The following PXDC1 variants were observed in gnomAD, a reference collection of about 807,000 sequenced individuals.
PXDC1 encodes the protein PX domain-containing protein 1.
A neutral mutation model predicts 24.4 loss-of-function variants in PXDC1; 13 were observed. That is an observed-to-expected ratio of 0.53 (90% confidence interval 0.35 to 0.85). The LOEUF (loss-of-function observed/expected upper bound fraction) is 0.85. PXDC1 is among the 40% of genes least tolerant of loss of function. The pLI is 0.01. For missense variants in PXDC1, 344 were observed against 309.3 expected (o/e 1.11, Z -0.84); for synonymous variants, 162 against 124.9 (o/e 1.30, Z -1.98).
chr6:3,730,634 A>T (rs1456715166), intron 3 of PXDC1, among the ~76,000 whole-genome samples: 1 of 152,232 alleles, frequency 6.6e-6, no homozygotes, highest in Non-Finnish European at 1.5e-5. Context: ...AACCACGGAC[A>T]GCAGATATTT....
chr6:3,743,182 T>G (rs1351103184), intron 1 of PXDC1, among the ~76,000 whole-genome samples: 3 of 150,492 alleles, frequency 2.0e-5, no homozygotes, highest in African/African-American at 7.4e-5. Flanking sequence ...GAGGGCTTCC[T>G]GCTGCTGCAA....
chr6:3,740,220 CAT>C (rs1760422711), intron 1 of PXDC1, among the ~76,000 whole-genome samples: 1 of 152,186 alleles, frequency 6.6e-6, no homozygotes, highest in Non-Finnish European at 1.5e-5. Context: ...GCTTTGCTGA[CAT>C]ATCTTTGGCT....
chr6:3,751,566 C>T lies in PXDC1; in HGVS notation c.-35G>A, dbSNP rs1305182324. 2.7e-6 allele frequency: 4 copies of T among 1,478,168 alleles called. No individual in the cohort carries two copies. The highest frequency in any genetic ancestry group is 2.9e-5 in the African/African-American group (2 of 68,366). The allele number at this position is 1,478,168 out of a possible 1,614,324, so 91.6% of individuals were successfully genotyped here. A position where few individuals can be genotyped will look rare whatever the true frequency, so the allele number is the denominator to read the frequency against. ...ATGCCCCCGCCAAGGGCTCCCCAGC[C>T]CCGCCGCCCGCCCGCCCGCAGGAGG... On this transcript the variant is annotated 5_prime_UTR_variant, in exon 1 of 5. Transcript: ENST00000380283.
chr6:3,723,226 G>C lies in PXDC1; in HGVS notation c.*393C>G, dbSNP rs1288274783. 5.2e-6 allele frequency: 1 copy of C among 193,314 alleles called. No homozygotes were observed. 12.0% of individuals were successfully genotyped at this position (193,314 alleles called of 1,614,324 possible). A position where few individuals can be genotyped will look rare whatever the true frequency, so the allele number is the denominator to read the frequency against. The stretch of plus-strand genomic sequence containing the variant: ...TTGCCGTGGGAGGGAATGGTGGGGA[G>C]TCAGGGTGGCTGGGGGGCACTAGGC... On this transcript the variant is annotated 3_prime_UTR_variant, in exon 5 of 5. Coordinates refer to ENST00000380283, the MANE Select transcript of PXDC1 (RefSeq NM_183373.4).
At position 3,737,314 on chromosome 6, in the gene PXDC1, A is replaced by T. The variant is rs539664813; in HGVS notation, c.349-118T>A. The T allele has an allele frequency of 1.4e-6, 1 of 728,892 alleles. No homozygotes were observed. The highest frequency in any genetic ancestry group is 2.2e-5 in the Admixed American group (1 of 45,298). The allele number at this position is 728,892 out of a possible 1,614,324, so 45.2% of individuals were successfully genotyped here. On this transcript the variant is annotated intron_variant, in intron 2 of 4. Transcript: ENST00000380283. The surrounding 1 kb of genome is among the most constrained non-coding windows in gnomAD (Gnocchi z 5.5). ...GCAGCCTGTGTGATGCAAACGCCCC[A>T]TGAATGTCCAGATGCTCCCATGGCT...
chr6:3,729,299 G>C (rs1760145084), intron 3 of PXDC1, among the ~76,000 whole-genome samples: 1 of 152,108 alleles, frequency 6.6e-6, no homozygotes, highest in African/African-American at 2.4e-5. Flanking sequence ...GAGAATTAGG[G>C]AAATTACACA....
rs1210193810 is a variant in PXDC1, at chr6:3,751,707, G to A, written c.-176C>T. The A allele has an allele frequency of 1.0e-6, 1 of 960,662 alleles. No homozygotes were observed. Among genetic ancestry groups the A allele is most frequent in the Non-Finnish European group, 1.3e-6 (1 of 751,972 alleles). 59.5% of individuals were successfully genotyped at this position (960,662 alleles called of 1,614,324 possible). ...GTTCGGGGCAGCGGGGCGGCGCGGC[G>A]GCGAGTGGCTCGGGCCGGCCGGGCG... On this transcript the variant is annotated 5_prime_UTR_variant, in exon 1 of 5. Transcript: ENST00000380283.
chr6:3,736,833 T>G (rs951199528), intron 3 of PXDC1, among the ~76,000 whole-genome samples: 1 of 152,226 alleles, frequency 6.6e-6, no homozygotes, highest in Non-Finnish European at 1.5e-5. Flanking sequence ...GTTATACCAT[T>G]TCTTAAGTGA....
intron 3 of PXDC1, 121 bp from the exon 4 acceptor site, chr6:3,727,783 C>T (rs1193962702): frequency 1.0e-5 from 7 of 673,758 alleles, no homozygotes; most frequent in Non-Finnish European, 1.1e-5. Context: ...CTCTCTTCCA[C>T]ACCGTAAGAG....
intron 1 of PXDC1, chr6:3,739,072 C>T (rs1201250151): frequency 8.5e-7 from 1 of 1,181,096 alleles, no homozygotes; most frequent in African/African-American, 1.6e-5. Flanking sequence ...TATTATTGGT[C>T]ACGGAGACTA....
At chr6:3,746,689 G>A (rs1291447457) in intron 1 of PXDC1, among the ~76,000 whole-genome samples, 1 of 152,164 alleles carries the variant, frequency 6.6e-6, no homozygotes, top group Non-Finnish European at 1.5e-5. Context: ...CGGGACTGGT[G>A]TGGCCCATGA....
At chr6:3,731,323 A>G (rs1195342236) in intron 3 of PXDC1, among the ~76,000 whole-genome samples, 1 of 152,238 alleles carries the variant, frequency 6.6e-6, no homozygotes, top group East Asian at 1.9e-4. Flanking sequence ...TGATGTAAAT[A>G]AAAAAGAACG....
chr6:3,730,487 C>G (rs911405449), intron 3 of PXDC1, among the ~76,000 whole-genome samples: 4 of 151,442 alleles, frequency 2.6e-5, no homozygotes, highest in African/African-American at 9.7e-5. Flanking sequence ...CTAAGAAAAG[C>G]TGTAGAAATT....
rs1759982505 is a variant in PXDC1 at position 3,723,330 on chromosome 6, C to G, written c.*289G>C. 7.1e-6 allele frequency: 3 copies of G among 421,118 alleles called. No individual in the cohort carries two copies. The highest frequency in any genetic ancestry group is 5.9e-5 in the African/African-American group (3 of 51,120). The allele number at this position is 421,118 out of a possible 1,614,324, so 26.1% of individuals were successfully genotyped here. A position where few individuals can be genotyped will look rare whatever the true frequency, so the allele number is the denominator to read the frequency against. ...CCCACAGGAACTGTCCCTGCCCTGG[C>G]AGTGCGCAGCCCTGTGGGCACCAAG... On this transcript the variant is annotated 3_prime_UTR_variant, in exon 5 of 5. Transcript: ENST00000380283.
rs113566965 is a variant in PXDC1, at chr6:3,738,411, G to A, written c.257-263C>T. Among the ~76,000 whole-genome samples the A allele has an allele frequency of 8.4e-3, 1,276 of 152,284 alleles. 20 individuals are homozygous for A. The highest frequency in any genetic ancestry group is 0.029 in the African/African-American group (1,221 of 41,540). On this transcript the variant is annotated intron_variant, in intron 1 of 4. Coordinates refer to ENST00000380283, the MANE Select transcript of PXDC1 (RefSeq NM_183373.4). ...TCTGAAAAGGGGATGGGAGGTGTAA[G>A]ATCCCTCCAAGTGGGGCAGCCTGGC...
intron 3 of PXDC1, among the ~76,000 whole-genome samples, chr6:3,735,898 AAAAC>A (rs777548587): frequency 6.6e-6 from 1 of 152,222 alleles, no homozygotes; most frequent in Non-Finnish European, 1.5e-5. Flanking sequence ...TGTGTCAGTA[AAAAC>A]AAACAAAAAA....
intron 1 of PXDC1, among the ~76,000 whole-genome samples, chr6:3,739,760 G>C (rs777522691): frequency 6.6e-6 from 1 of 152,202 alleles, no homozygotes; most frequent in Non-Finnish European, 1.5e-5. Flanking sequence ...CCCAAGCCCT[G>C]AATTCCTTGC....
At position 3,724,927 on chromosome 6, in the gene PXDC1, C is replaced by CT. The variant is rs76129097; in HGVS notation, c.579-1192dup. On this transcript the variant is annotated intron_variant, in intron 4 of 4. Coordinates refer to ENST00000380283, the MANE Select transcript of PXDC1 (RefSeq NM_183373.4). The surrounding 1 kb of genome is among the most constrained non-coding windows in gnomAD (Gnocchi z 4.5). ...GAGGCTGCAGAGGAAGGCCTCCCCT[C>CT]TGACTCCATGGCCAGGCCTGGAGTG... 3.7e-3 allele frequency among the ~76,000 whole-genome samples: 568 copies of CT among 152,284 alleles called. 28 individuals carry two copies. The East Asian group carries it at 0.1, about 27-fold the overall frequency.
At chr6:3,743,261 C>T (rs1439453895) in intron 1 of PXDC1, among the ~76,000 whole-genome samples, 1 of 152,204 alleles carries the variant, frequency 6.6e-6, no homozygotes, top group Non-Finnish European at 1.5e-5. Context: ...GCGTCCACTA[C>T]CCAAAGAACA....
Sources: allele counts gnomAD v4.1 joint callset (sites outside exome capture counted in the v4.1 genomes callset), GRCh38; gene constraint gnomAD v4.1.1; non-coding constraint Gnocchi (gnomAD v3.1); transcripts MANE v1.5; gene names NCBI Gene and HGNC (gene_info 2026-07-23, HGNC 2026-07-21).